NIT2: variants seen among roughly 807,000 people sequenced by gnomAD.
NIT2 encodes the protein omega-amidase NIT2.
NIT2 carries 46 observed loss-of-function variants against 42.7 expected under a neutral mutation model. The ratio of observed to expected loss-of-function variants is 1.08; its 90% CI spans 0.85 to 1.38. The LOEUF (loss-of-function observed/expected upper bound fraction) is 1.38. NIT2 is among the 40% of genes most tolerant of loss of function. NIT2 has a pLI of 0.00. For missense variants in NIT2, 309 were observed against 342.5 expected, an observed-to-expected ratio of 0.90 and a Z score of 0.77; for synonymous variants, 123 against 121.9, an observed-to-expected ratio of 1.01 and a Z score of -0.06.
intron 2 of NIT2, 104 bp from the exon 3 acceptor site, chr3:100,339,711 C>T (rs778599535): frequency 7.8e-6 from 9 of 1,149,550 alleles, no homozygotes; most frequent in East Asian, 4.8e-5. Flanking sequence ...TTTAACCCTT[C>T]GACTGAAAGC....
rs1375318524 is a variant in NIT2, at chr3:100,357,309, T to A, written c.*2041T>A. 6 of 152,132 alleles carry A rather than the reference T, an allele frequency of 3.9e-5. No individual in the cohort carries two copies. Among genetic ancestry groups the A allele is most frequent in the Non-Finnish European group, 7.4e-5 (5 of 68,018 alleles). The allele number at this position is 152,132 out of a possible 1,614,324, so 9.4% of individuals were successfully genotyped here. A position where few individuals can be genotyped will look rare whatever the true frequency, so the allele number is the denominator to read the frequency against. ...GAAATCATTTTCTTTTTTAAAAATA[T>A]ATTTTCTTACTTTTATATATTTTAC... On this transcript the variant is annotated 3_prime_UTR_variant, in exon 10 of 10. Coordinates refer to ENST00000394140, the MANE Select transcript of NIT2 (RefSeq NM_020202.5).
chr3:100,343,731 A>T (rs1403801827), intron 4 of NIT2, among the ~76,000 whole-genome samples: 4 of 152,142 alleles, frequency 2.6e-5, no homozygotes, highest in South Asian at 2.1e-4. Context: ...ATGTAAATAA[A>T]CTCATATCCA....
intron 6 of NIT2, among the ~76,000 whole-genome samples, chr3:100,347,514 T>TG (rs576771477): frequency 1.5e-3 from 232 of 152,286 alleles, no homozygotes; most frequent in African/African-American, 5.3e-3. Context: ...ACTGAAGCCT[T>TG]GGTCTCCTGG....
At chr3:100,335,166 G>C in intron 1 of NIT2, 1 of 261,510 alleles carries the variant, frequency 3.8e-6, no homozygotes, top group Non-Finnish European at 8.0e-6. Context: ...CTCCAGCCCC[G>C]CCCTGCACAA....
At chr3:100,346,820 C>T (rs1706222461) in intron 6 of NIT2, among the ~76,000 whole-genome samples, 1 of 152,110 alleles carries the variant, frequency 6.6e-6, no homozygotes, top group Non-Finnish European at 1.5e-5. Context: ...GTGTGGTACT[C>T]AACAAATACC....
intron 4 of NIT2, among the ~76,000 whole-genome samples, chr3:100,341,378 AT>A (rs566334232): frequency 7.3e-5 from 11 of 150,044 alleles, no homozygotes; most frequent in Admixed American, 1.3e-4. Flanking sequence ...AGCTATAGTA[AT>A]TTTTTTTTTG....
Position 100,360,590 on chromosome 3 carries a change from G to C in NIT2, c.*5322G>C, listed in dbSNP as rs369351944. Reference sequence around the variant, plus strand: ...TAAACTGTATCAAAAAAAAAATGCAGTATTGATTTAGAGCTAAGGTCACCT... The same window carrying C: ...TAAACTGTATCAAAAAAAAAATGCACTATTGATTTAGAGCTAAGGTCACCT... On this transcript the variant is annotated 3_prime_UTR_variant, in exon 10 of 10. Coordinates refer to ENST00000394140, the MANE Select transcript of NIT2 (RefSeq NM_020202.5). 6.6e-6 allele frequency: 1 copy of C among 152,138 alleles called. No homozygotes were observed. Among genetic ancestry groups the C allele is most frequent in the Non-Finnish European group, 1.5e-5 (1 of 68,032 alleles). The allele number at this position is 152,138 out of a possible 1,614,324, so 9.4% of individuals were successfully genotyped here.
intron 4 of NIT2, among the ~76,000 whole-genome samples, chr3:100,341,525 T>C: frequency 6.6e-6 from 1 of 151,972 alleles, no homozygotes; most frequent in Non-Finnish European, 1.5e-5. Flanking sequence ...CCCACCACCA[T>C]GCCCAGCTAA....
Position 100,355,350 on chromosome 3 carries a change from GA to G in NIT2, c.*83del, listed in dbSNP as rs878872185. 1.8e-6 allele frequency: 2 copies of G among 1,123,398 alleles called. No homozygotes were observed. Among genetic ancestry groups the G allele is most frequent in the Admixed American group, 2.4e-5 (1 of 42,256 alleles). The allele number at this position is 1,123,398 out of a possible 1,614,324, so 69.6% of individuals were successfully genotyped here. ...ACTCCCTATTAAATTCTTTAATGAA[GA>G]TTTTTTTTTTAATTCGGCCTTGTCC... On this transcript the variant is annotated 3_prime_UTR_variant, in exon 10 of 10. Transcript: ENST00000394140.
intron 1 of NIT2, among the ~76,000 whole-genome samples, chr3:100,338,554 G>A (rs985788808): frequency 6.6e-5 from 10 of 152,162 alleles, no homozygotes; most frequent in African/African-American, 2.4e-4. Flanking sequence ...CTTCCCATGA[G>A]CTGGGCTGCT....
intron 4 of NIT2, among the ~76,000 whole-genome samples, chr3:100,342,329 C>CTG (rs1706165857): frequency 6.6e-6 from 1 of 152,068 alleles, no homozygotes; most frequent in African/African-American, 2.4e-5. Context: ...TTCTGACAAT[C>CTG]TGTGTCTTTT....
intron 4 of NIT2, 22 bp downstream of exon 4, chr3:100,341,183 AG>A: frequency 6.4e-7 from 1 of 1,553,524 alleles, no homozygotes. Context: ...GTGTGGCATA[AG>A]AATTTGTTAT....
Position 100,346,169 on chromosome 3 carries a change from G to T in NIT2, c.431-12G>T, listed in dbSNP as rs186094815. On this transcript the variant is annotated splice_polypyrimidine_tract_variant and intron_variant, in intron 5 of 9. Transcript: ENST00000394140. ...TTAACTTTTCATTTGTGCATTTTCT[G>T]TTTGGAAACAGCTTACTGCAGAGTG... 1.2e-6 allele frequency: 2 copies of T among 1,613,460 alleles called. No individual in the cohort carries two copies. Among genetic ancestry groups the T allele is most frequent in the East Asian group, 4.5e-5 (2 of 44,872 alleles).
intron 5 of NIT2, chr3:100,345,922 C>T (rs534810128): frequency 6.7e-6 from 4 of 594,414 alleles, no homozygotes; most frequent in East Asian, 5.6e-5. Flanking sequence ...ACCTATTAGG[C>T]TACAGTTGAG....
intron 1 of NIT2, chr3:100,335,037 G>A (rs1033726408): frequency 3.8e-6 from 2 of 524,878 alleles, no homozygotes; most frequent in Non-Finnish European, 7.1e-6. Flanking sequence ...AGGCCACCCG[G>A]CCGCGCCGGC....
Position 100,345,630 on chromosome 3 carries a change from G to T in NIT2, c.382G>T (p.Glu128Ter). Residue 128 changes from glutamate (E) to a stop codon, truncating the protein, a stop_gained, in exon 5 of 10, where the codon GAA (glutamate) becomes TAA (stop). Coordinates refer to ENST00000394140, the MANE Select transcript of NIT2 (RefSeq NM_020202.5). LOFTEE classifies it high-confidence loss of function. ...TGTTCCTGGAAAAATTACATTTCAA[G>T]AATCTAAAACATTGAGTCCGGGTGA... ...IDVPGKITFQ[E>*]SKTLSPGDSF... The T allele has an allele frequency of 1.2e-6, 2 of 1,613,232 alleles. No individual in the cohort carries two copies. The highest frequency in any genetic ancestry group is 2.2e-5 in the South Asian group (2 of 90,906).
intron 5 of NIT2, 109 bp downstream of exon 5, chr3:100,345,787 C>A: frequency 1.4e-6 from 1 of 717,524 alleles, no homozygotes; most frequent in African/African-American, 1.8e-5. Context: ...ACTGAAAGAC[C>A]ATAAGTGAGA....
At chr3:100,353,905 A>G (rs1559826162) in intron 8 of NIT2, among the ~76,000 whole-genome samples, 1 of 151,614 alleles carries the variant, frequency 6.6e-6, no homozygotes, top group Non-Finnish European at 1.5e-5. Context: ...GCCTCCGAGT[A>G]GCTGAGATTA....
At position 100,359,973 on chromosome 3, in the gene NIT2, T is replaced by C. The variant is rs1393504751; in HGVS notation, c.*4705T>C. On this transcript the variant is annotated 3_prime_UTR_variant, in exon 10 of 10. Transcript: ENST00000394140. ...TGTTTCCATGGCACTACATTGTACT[T>C]CTGTTTTAGAGACTACCTTCCTCTG... is the stretch of plus-strand genomic sequence containing the variant. The C allele has an allele frequency of 6.6e-6, 1 of 152,210 alleles. No individual in the cohort carries two copies. The highest frequency in any genetic ancestry group is 1.5e-5 in the Non-Finnish European group (1 of 68,046). 9.4% of individuals were successfully genotyped at this position (152,210 alleles called of 1,614,324 possible).
Sources: gnomAD v4.1 joint callset for allele counts (sites outside exome capture counted in the v4.1 genomes callset) on GRCh38, gnomAD v4.1.1 for gene constraint, MANE v1.5 for transcripts, NCBI Gene and HGNC (gene_info 2026-07-23, HGNC 2026-07-21) for gene names.